The following MPP7 variants were observed in gnomAD, a reference collection of about 807,000 sequenced individuals.
The protein encoded by MPP7 is MAGUK p55 scaffold protein 7, also known as MAGUK p55 subfamily member 7.
In MPP7, 60 loss-of-function variants were observed where a neutral mutation model predicts 76.5. That is an observed-to-expected ratio of 0.78 (90% CI 0.64 to 0.97). The LOEUF is 0.97. Ranked by LOEUF, MPP7 falls within the 50% of genes least tolerant of loss-of-function variation. The pLI, the probability that MPP7 is intolerant of heterozygous loss-of-function variation, is 0.00. For missense variants in MPP7, 641 were observed against 694.0 expected, an observed-to-expected ratio of 0.92 and a Z score of 0.86; for synonymous variants, 237 against 244.5, an observed-to-expected ratio of 0.97 and a Z score of 0.29.
chr10:28,229,916 C>T (rs1440807625), intron 2 of MPP7, among the ~76,000 whole-genome samples: 1 of 142,116 alleles, frequency 7.0e-6, no homozygotes, highest in Non-Finnish European at 1.5e-5. Context: ...ACAAAAAGAA[C>T]TGTGACAATG....
At chr10:28,058,050 G>T (rs2257211) in intron 15 of MPP7, among the ~76,000 whole-genome samples, 2 of 152,132 alleles carry the variant, frequency 1.3e-5, no homozygotes, top group African/African-American at 2.4e-5. Flanking sequence ...CAGTTCTAGT[G>T]GGGGGTTATT....
intron 5 of MPP7, among the ~76,000 whole-genome samples, chr10:28,132,020 A>G (rs904533592): frequency 3.9e-5 from 6 of 152,068 alleles, no homozygotes; most frequent in African/African-American, 7.2e-5. Context: ...AATTTGGGGC[A>G]AGAGTGCGGG....
At chr10:28,219,542 C>A (rs1348755565) in intron 2 of MPP7, among the ~76,000 whole-genome samples, 2 of 152,028 alleles carry the variant, frequency 1.3e-5, no homozygotes, top group Non-Finnish European at 2.9e-5. Context: ...AAGCCATAAA[C>A]CTATGTTAAA....
At chr10:28,104,461 G>A (rs1853978125) in intron 11 of MPP7, among the ~76,000 whole-genome samples, 1 of 152,152 alleles carries the variant, frequency 6.6e-6, no homozygotes, top group Admixed American at 6.5e-5. Flanking sequence ...TTGCTTATAA[G>A]CCTTGTTTTA....
chr10:28,203,331 A>G (rs922345121), intron 2 of MPP7: 1 of 152,118 alleles, frequency 6.6e-6, no homozygotes, highest in Non-Finnish European at 1.5e-5. Flanking sequence ...GATGATTCGT[A>G]TATCTATTAT....
intron 3 of MPP7, among the ~76,000 whole-genome samples, chr10:28,185,737 G>C (rs899384976): frequency 6.6e-6 from 1 of 152,098 alleles, no homozygotes; most frequent in Non-Finnish European, 1.5e-5. Context: ...AAGTGTGCTC[G>C]TAATTCTTAT....
intron 1 of MPP7, among the ~76,000 whole-genome samples, chr10:28,284,897 T>A (rs1267346601): frequency 2.0e-5 from 3 of 152,236 alleles, no homozygotes; most frequent in Non-Finnish European, 4.4e-5. Flanking sequence ...TTAATTTTTT[T>A]ATTCCCATTT....
chr10:28,059,705 C>G lies in MPP7; in HGVS notation c.1243G>C (p.Val415Leu), dbSNP rs1449503978. 5.0e-6 allele frequency: 8 copies of G among 1,613,430 alleles called. No individual in the cohort carries two copies. Among genetic ancestry groups the G allele is most frequent in the Non-Finnish European group, 5.9e-6 (7 of 1,179,688 alleles). ...TGCTTGGAAATGAAAATGTATTCAA[C>G]ACCATCACTCTCCTGGCTTCTTCTT... is the stretch of plus-strand genomic sequence containing the variant. ...RARRSQESDG[V>L]EYIFISKHLF... Residue 415 changes from valine (V) to leucine (L), a missense_variant, in exon 14 of 17, where the codon GTT (valine) becomes CTT (leucine). Val to Leu is a conservative substitution (Grantham distance 32). Coordinates refer to ENST00000683449, the MANE Select transcript of MPP7 (RefSeq NM_001318170.2).
intron 1 of MPP7, among the ~76,000 whole-genome samples, chr10:28,277,268 C>G (rs142950101): frequency 2.0e-5 from 3 of 151,744 alleles, no homozygotes; most frequent in Non-Finnish European, 2.9e-5. Context: ...TATGAGGGAA[C>G]TGAGTCCAAT....
intron 11 of MPP7, 54 bp from the exon 12 acceptor site, chr10:28,089,895 C>CT: frequency 1.1e-6 from 1 of 932,986 alleles, no homozygotes; most frequent in Non-Finnish European, 1.6e-6. Flanking sequence ...AAAAGAAACC[C>CT]TCAAAAAAAA....
At chr10:28,166,811 A>T (rs1003433558) in intron 3 of MPP7, among the ~76,000 whole-genome samples, 1 of 152,136 alleles carries the variant, frequency 6.6e-6, no homozygotes, top group African/African-American at 2.4e-5. Context: ...TAAAAATGGT[A>T]TCGAGCTGTA....
intron 3 of MPP7, among the ~76,000 whole-genome samples, chr10:28,158,123 C>T (rs7100675): frequency 0.11 from 16,646 of 152,018 alleles, 1,528 homozygotes; most frequent in East Asian, 0.44. Context: ...CTGGGATCAC[C>T]GTGGAAGAGG....
At chr10:28,186,200 G>A (rs1056411338) in intron 3 of MPP7, among the ~76,000 whole-genome samples, 6 of 152,082 alleles carry the variant, frequency 3.9e-5, no homozygotes, top group Non-Finnish European at 7.4e-5. Context: ...ACAAAAATTA[G>A]CTGGCCATGG....
rs140028922 is a variant in MPP7, at chr10:28,203,406, A to G, written c.38-1135T>C. Among the ~76,000 whole-genome samples the G allele has an allele frequency of 9.2e-3, 1,391 of 151,682 alleles. 23 individuals carry two copies. Among genetic ancestry groups the G allele is most frequent in the East Asian group, 0.059 (302 of 5,110 alleles). ...TACAACCAAAGGCATTAGGTACCATATTGAAAATTAAGATACATAACTTGG... is the reference window on the plus strand; with the variant it reads ...TACAACCAAAGGCATTAGGTACCATGTTGAAAATTAAGATACATAACTTGG... On this transcript the variant is annotated intron_variant, in intron 2 of 16. Coordinates refer to ENST00000683449, the MANE Select transcript of MPP7 (RefSeq NM_001318170.2).
chr10:28,198,468 AGGAGGCT>A (rs1195700077), intron 3 of MPP7, among the ~76,000 whole-genome samples: 1 of 151,922 alleles, frequency 6.6e-6, no homozygotes, highest in Non-Finnish European at 1.5e-5. Flanking sequence ...CCAGCTACTT[AGGAGGCT>A]GAGGCATGAG....
intron 1 of MPP7, among the ~76,000 whole-genome samples, chr10:28,283,034 G>GTCAT (rs1840716407): frequency 6.6e-6 from 1 of 152,106 alleles, no homozygotes; most frequent in South Asian, 2.1e-4. Context: ...TCATAACAAT[G>GTCAT]TCATGCCTGC....
At chr10:28,056,076 C>A (rs1209881470) in intron 16 of MPP7, among the ~76,000 whole-genome samples, 1 of 152,090 alleles carries the variant, frequency 6.6e-6, no homozygotes, top group Non-Finnish European at 1.5e-5. Context: ...TATCTCCAAG[C>A]TTTTTGTGGT....
intron 3 of MPP7, among the ~76,000 whole-genome samples, chr10:28,184,890 T>C (rs996012578): frequency 1.4e-5 from 2 of 147,204 alleles, no homozygotes; most frequent in Non-Finnish European, 3.0e-5. Context: ...TAATGTAATA[T>C]AAAATAAGTT....
At chr10:28,103,257 G>A (rs1018558463) in intron 11 of MPP7, among the ~76,000 whole-genome samples, 8 of 149,286 alleles carry the variant, frequency 5.4e-5, no homozygotes, top group African/African-American at 1.7e-4. Flanking sequence ...CATGCATCCT[G>A]TCTTGGTGCC....
Sources: allele counts gnomAD v4.1 joint callset (sites outside exome capture counted in the v4.1 genomes callset), GRCh38; gene constraint gnomAD v4.1.1; transcripts MANE v1.5; gene names NCBI Gene and HGNC (gene_info 2026-07-23, HGNC 2026-07-21).